TMCC2: variants seen among roughly 807,000 people sequenced by gnomAD.
TMCC2 encodes the protein transmembrane and coiled-coil domains protein 2.
TMCC2 carries 16 observed loss-of-function variants against 49.4 expected under a neutral mutation model. That is an observed-to-expected ratio of 0.32 (90% CI 0.22 to 0.49). TMCC2 has a LOEUF of 0.49. Among genes scored for constraint, TMCC2 ranks in the 20% least tolerant of loss-of-function variants. TMCC2 has a pLI of 0.99. For missense variants in TMCC2, 762 were observed against 989.8 expected (o/e 0.77, Z 3.09); for synonymous variants, 397 against 434.1 (o/e 0.91, Z 1.06).
chr1:205,261,554 C>T (rs1006286206), intron 2 of TMCC2, among the ~76,000 whole-genome samples: 13 of 151,960 alleles, frequency 8.6e-5, no homozygotes, highest in African/African-American at 3.1e-4. Context: ...TGACTCATGC[C>T]TGTGGCCCCA....
intron 1 of TMCC2, among the ~76,000 whole-genome samples, chr1:205,232,965 A>G (rs1162487372): frequency 6.9e-6 from 1 of 144,656 alleles, no homozygotes; most frequent in Admixed American, 7.4e-5. Flanking sequence ...AAAAAACACA[A>G]AAAAACACAC....
In TMCC2 at chr1:205,272,203, G is replaced by T. The variant is rs1400996587; in HGVS notation, c.*79G>T. The T allele has an allele frequency of 1.3e-6, 2 of 1,541,850 alleles. No homozygotes were observed. The highest frequency in any genetic ancestry group is 2.7e-5 in the African/African-American group (2 of 73,320). ...CCAGGAGGGACCCTTGGACTTCTTT[G>T]TGTGTCCAGTTTGGCCTCCTGCCCA... On this transcript the variant is annotated 3_prime_UTR_variant, in exon 5 of 5. Coordinates refer to ENST00000358024, the MANE Select transcript of TMCC2 (RefSeq NM_014858.4).
In TMCC2 at chr1:205,269,782, A is replaced by G; in HGVS notation, c.1580A>G (p.Lys527Arg). ...DALLEELREI[K>R]EGQSHLEDSM... ...CTGCTGGAAGAGCTACGGGAGATCAAGGAGGGACAGTCTCACCTGGAGGAC... is the reference window on the plus strand; with the variant it reads ...CTGCTGGAAGAGCTACGGGAGATCAGGGAGGGACAGTCTCACCTGGAGGAC... Residue 527 changes from lysine (K) to arginine (R), a missense_variant, in exon 3 of 5, where the codon AAG (lysine) becomes AGG (arginine). Transcript: ENST00000358024. 1.2e-6 allele frequency: 2 copies of G among 1,614,146 alleles called. No homozygotes were observed. The highest frequency in any genetic ancestry group is 1.7e-6 in the Non-Finnish European group (2 of 1,180,010).
chr1:205,252,742 C>T (rs776150129), intron 2 of TMCC2, among the ~76,000 whole-genome samples: 10 of 151,832 alleles, frequency 6.6e-5, no homozygotes, highest in Non-Finnish European at 1.0e-4. Flanking sequence ...TACTTTTTAG[C>T]GTGGTTCTTT....
At position 205,272,374 on chromosome 1, in the gene TMCC2, A is replaced by C. The variant is rs1206503605; in HGVS notation, c.*250A>C. The C allele has an allele frequency of 1.6e-6, 1 of 638,582 alleles. No individual in the cohort carries two copies. Among genetic ancestry groups the C allele is most frequent in the Non-Finnish European group, 2.6e-6 (1 of 387,686 alleles). The allele number at this position is 638,582 out of a possible 1,614,324, so 39.6% of individuals were successfully genotyped here. A position where few individuals can be genotyped will look rare whatever the true frequency, so the allele number is the denominator to read the frequency against. On this transcript the variant is annotated 3_prime_UTR_variant, in exon 5 of 5. Transcript: ENST00000358024. ...GTGGCCAAGTGGAGCAGAGGTGGACATGGGGTTGGATTGTTTTGATTATTT... is the reference window on the plus strand; with the variant it reads ...GTGGCCAAGTGGAGCAGAGGTGGACCTGGGGTTGGATTGTTTTGATTATTT...
chr1:205,269,873 G>C lies in TMCC2; in HGVS notation c.1671G>C (p.Glu557Asp). 6.2e-7 allele frequency: 1 copy of C among 1,612,806 alleles called. No homozygotes were observed. The highest frequency in any genetic ancestry group is 8.5e-7 in the Non-Finnish European group (1 of 1,179,352). Residue 557 changes from glutamate to aspartate, a missense_variant, in exon 3 of 5, where the codon GAG becomes GAC. Transcript: ENST00000358024. ...DYTYMTQCLQ[E>D]ERYRYERLEE... The stretch of plus-strand genomic sequence containing the variant: ...CCTACATGACCCAGTGCCTGCAGGA[G>C]GAGCGCTACAGGTAGGTGCCTGCCC...
rs752293588 is a variant in TMCC2 at position 205,241,670 on chromosome 1, C to T, written c.373C>T (p.Arg125Cys). The T allele has an allele frequency of 2.0e-5, 33 of 1,613,642 alleles. No individual in the cohort carries two copies. The highest frequency in any genetic ancestry group is 5.3e-5 in the African/African-American group (4 of 74,936). ...SDHDSPDEKERSPEMHRVSYA... is the reference protein window; with the variant it reads ...SDHDSPDEKECSPEMHRVSYA... ...CCATGACTCCCCAGATGAGAAGGAG[C>T]GCTCTCCGGAGATGCATCGCGTCTC... is the stretch of plus-strand genomic sequence containing the variant. Residue 125 changes from arginine (R) to cysteine (C), a missense_variant, in exon 2 of 5, where the codon CGC becomes TGC. This residue lies in a region of TMCC2 where 322 missense variants were observed against 353.1 expected (regional missense o/e 0.91). Coordinates refer to ENST00000358024, the MANE Select transcript of TMCC2 (RefSeq NM_014858.4). This position sits in a 1 kb window ranked among gnomAD's most constrained non-coding sequence, Gnocchi z 7.3.
chr1:205,252,478 G>T (rs565039608), intron 2 of TMCC2, among the ~76,000 whole-genome samples: 4 of 152,306 alleles, frequency 2.6e-5, no homozygotes, highest in Admixed American at 2.0e-4. Context: ...TTCCCTGGGG[G>T]TTAGCAGAGC....
intron 4 of TMCC2, 80 bp downstream of exon 4, chr1:205,271,335 G>A (rs775625584): frequency 1.7e-5 from 27 of 1,608,036 alleles, no homozygotes; most frequent in Non-Finnish European, 2.2e-5. Context: ...TTCTTGTCAC[G>A]TGGGGCATGA....
intron 2 of TMCC2, among the ~76,000 whole-genome samples, chr1:205,242,998 C>A (rs1160361178): frequency 6.6e-6 from 1 of 152,172 alleles, no homozygotes; most frequent in African/African-American, 2.4e-5. Flanking sequence ...TCACAAAAGG[C>A]CTTGCCATGT....
intron 3 of TMCC2, among the ~76,000 whole-genome samples, chr1:205,270,517 C>T (rs774612889): frequency 4.6e-5 from 7 of 152,206 alleles, no homozygotes; most frequent in African/African-American, 7.2e-5. Context: ...CAGCACTTGC[C>T]GCTCGCTCCC....
intron 2 of TMCC2, among the ~76,000 whole-genome samples, chr1:205,260,105 T>TTAAG: frequency 1.3e-5 from 2 of 152,186 alleles, no homozygotes; most frequent in African/African-American, 4.8e-5. Context: ...TCCACGGTTC[T>TTAAG]CCTCTTAGAG....
At chr1:205,233,786 A>C (rs574317901) in intron 1 of TMCC2, 8 of 151,122 alleles carry the variant, frequency 5.3e-5, no homozygotes, top group African/African-American at 1.9e-4. Flanking sequence ...CTTGTTTTCT[A>C]TTTGTTTATT....
chr1:205,269,116 T>C lies in TMCC2; in HGVS notation c.914T>C (p.Ile305Thr), dbSNP rs1263954176. ...CTGAAGATCACCGAGCAGATCAAGA[T>C]TGAGCAGGAGGCTCGCGACGACAAT... is the stretch of plus-strand genomic sequence containing the variant. ...KILKITEQIK[I>T]EQEARDDNVA... Residue 305 changes from isoleucine (I) to threonine (T), a missense_variant, in exon 3 of 5, where the codon ATT (isoleucine) becomes ACT (threonine). This residue lies in a region of TMCC2 where 440 missense variants were observed against 636.7 expected (regional missense o/e 0.69). Coordinates refer to ENST00000358024, the MANE Select transcript of TMCC2 (RefSeq NM_014858.4). The C allele has an allele frequency of 6.2e-7, 1 of 1,614,086 alleles. No homozygotes were observed. The highest frequency in any genetic ancestry group is 8.5e-7 in the Non-Finnish European group (1 of 1,180,032).
chr1:205,246,789 C>A, intron 2 of TMCC2: 1 of 1,321,368 alleles, frequency 7.6e-7, no homozygotes, highest in South Asian at 1.3e-5. Context: ...AAAACGTGAA[C>A]CTTGCTGTCT....
chr1:205,254,559 C>T (rs1392598063), intron 2 of TMCC2, among the ~76,000 whole-genome samples: 5 of 152,224 alleles, frequency 3.3e-5, no homozygotes, highest in African/African-American at 1.2e-4. Flanking sequence ...CTCCCTGGTT[C>T]TTGTTTGCTA....
At chr1:205,259,724 C>T (rs1487742415) in intron 2 of TMCC2, among the ~76,000 whole-genome samples, 2 of 152,194 alleles carry the variant, frequency 1.3e-5, no homozygotes, top group African/African-American at 2.4e-5. Context: ...GGAAGTTCCA[C>T]GGGAGCCAGG....
intron 2 of TMCC2, among the ~76,000 whole-genome samples, chr1:205,266,038 G>A (rs1313303351): frequency 2.9e-5 from 4 of 138,616 alleles, no homozygotes; most frequent in Non-Finnish European, 6.3e-5. Flanking sequence ...TCAGGAGATC[G>A]CGACCATCCT....
chr1:205,266,113 C>T (rs868273066), intron 2 of TMCC2, among the ~76,000 whole-genome samples: 11 of 150,698 alleles, frequency 7.3e-5, no homozygotes, highest in South Asian at 4.2e-4. Context: ...TGGTGGCAGG[C>T]GCCTGTAGTC....
Sources: gnomAD v4.1 joint callset for allele counts (sites outside exome capture counted in the v4.1 genomes callset) on GRCh38, gnomAD v4.1.1 for gene constraint, gnomAD v4.1.1 regional missense constraint, Gnocchi (gnomAD v3.1) non-coding constraint, MANE v1.5 for transcripts, NCBI Gene and HGNC (gene_info 2026-07-23, HGNC 2026-07-21) for gene names.